Variants in IGF1 observed in about 807,000 individuals in gnomAD.
The protein encoded by IGF1 is insulin-like growth factor 1.
In IGF1, 4 loss-of-function variants were observed where a neutral mutation model predicts 13.8. The observed-to-expected ratio is 0.29, with a 90% CI of 0.14 to 0.66. IGF1 has a LOEUF of 0.66. Among genes scored for constraint, IGF1 ranks in the 30% least tolerant of loss-of-function variants. IGF1 has a pLI of 0.78. For missense variants in IGF1, 124 were observed against 188.5 expected (o/e 0.66, Z 2.00); for synonymous variants, 76 against 72.6 (o/e 1.05, Z -0.23).
At chr12:102,407,077 G>A (rs369476104) in intron 3 of IGF1, among the ~76,000 whole-genome samples, 2 of 102,994 alleles carry the variant, frequency 1.9e-5, no homozygotes, top group African/African-American at 7.2e-5. Context: ...CTTGGCGACA[G>A]AGTAAAACTC....
chr12:102,474,704 C>T (rs1342851987), intron 2 of IGF1, among the ~76,000 whole-genome samples: 2 of 152,194 alleles, frequency 1.3e-5, no homozygotes. Flanking sequence ...TTTCCTGGAA[C>T]TCTCTAAAAC....
intron 2 of IGF1, among the ~76,000 whole-genome samples, chr12:102,422,470 T>A (rs1363961034): frequency 1.3e-5 from 2 of 152,228 alleles, no homozygotes; most frequent in Non-Finnish European, 2.9e-5. Flanking sequence ...TTCTTCTGGC[T>A]CTACATCAAA....
chr12:102,436,936 T>C (rs900381614), intron 2 of IGF1, among the ~76,000 whole-genome samples: 13 of 152,334 alleles, frequency 8.5e-5, no homozygotes, highest in Admixed American at 3.3e-4. Flanking sequence ...GAAATCCATA[T>C]TGGGAGCACT....
chr12:102,443,626 G>A (rs1053039361), intron 2 of IGF1, among the ~76,000 whole-genome samples: 5 of 152,014 alleles, frequency 3.3e-5, no homozygotes, highest in Non-Finnish European at 5.9e-5. Context: ...ACCTCCTCTT[G>A]AATGAACAAA....
At chr12:102,452,178 C>T (rs866695423) in intron 2 of IGF1, among the ~76,000 whole-genome samples, 9 of 133,210 alleles carry the variant, frequency 6.8e-5, no homozygotes, top group Admixed American at 3.6e-4. Context: ...AGGAGAATGG[C>T]GTGAACCCGG....
chr12:102,400,551 A>T lies in IGF1; in HGVS notation c.*1956T>A, dbSNP rs1873601926. On this transcript the variant is annotated 3_prime_UTR_variant, in exon 4 of 4. Transcript: ENST00000337514. The stretch of plus-strand genomic sequence containing the variant: ...ACTCTAGTCAAGCATATTTTAACAA[A>T]CTTTTAAAAAAATGTATATACAGCT... The T allele has an allele frequency of 6.6e-6, 1 of 152,190 alleles. No individual in the cohort carries two copies. Among genetic ancestry groups the T allele is most frequent in the Non-Finnish European group, 1.5e-5 (1 of 68,022 alleles). 9.4% of individuals were successfully genotyped at this position (152,190 alleles called of 1,614,324 possible).
At chr12:102,440,194 G>A (rs1330213097) in intron 2 of IGF1, among the ~76,000 whole-genome samples, 1 of 152,164 alleles carries the variant, frequency 6.6e-6, no homozygotes, top group Non-Finnish European at 1.5e-5. Context: ...TCCCCTGGGA[G>A]GAGCTCAATT....
chr12:102,402,293 A>G lies in IGF1; in HGVS notation c.*214T>C. 1.8e-6 allele frequency: 1 copy of G among 543,620 alleles called. No homozygotes were observed. The highest frequency in any genetic ancestry group is 2.4e-5 in the South Asian group (1 of 42,048). The allele number at this position is 543,620 out of a possible 1,614,324, so 33.7% of individuals were successfully genotyped here. A position where few individuals can be genotyped will look rare whatever the true frequency, so the allele number is the denominator to read the frequency against. On this transcript the variant is annotated 3_prime_UTR_variant, in exon 4 of 4. Coordinates refer to ENST00000337514, the MANE Select transcript of IGF1 (RefSeq NM_000618.5). The stretch of plus-strand genomic sequence containing the variant: ...CATTATTGATAAAAGATCAACAGCA[A>G]TCTACCAACTCCAGGACCATTTTTG...
At chr12:102,447,483 T>G (rs1184668843) in intron 2 of IGF1, among the ~76,000 whole-genome samples, 1 of 152,170 alleles carries the variant, frequency 6.6e-6, no homozygotes, top group East Asian at 1.9e-4. Flanking sequence ...TATGTCATTC[T>G]TTGTCTTTTT....
Position 102,475,706 on chromosome 12 carries a change from G to T in IGF1, c.157C>A (p.Leu53Ile), listed in dbSNP as rs1880976661. The T allele has an allele frequency of 6.2e-7, 1 of 1,614,090 alleles. No individual in the cohort carries two copies. The highest frequency in any genetic ancestry group is 1.7e-5 in the Admixed American group (1 of 60,010). The change falls in exon 2 of 4, where the codon CTC (leucine) becomes ATC (isoleucine). Residue 53 changes from leucine (L) to isoleucine (I), a missense_variant. Leu to Ile is a conservative substitution (Grantham distance 5). Coordinates refer to ENST00000337514, the MANE Select transcript of IGF1 (RefSeq NM_000618.5). ...GCATCCACCAGCTCAGCCCCGCAGA[G>T]CGTCTCCGGTCCAGCCGTGGCAGAG... The part of the protein sequence containing the change: ...TSSATAGPET[L>I]CGAELVDALQ...
chr12:102,445,055 A>G (rs574597576), intron 2 of IGF1, among the ~76,000 whole-genome samples: 1 of 151,998 alleles, frequency 6.6e-6, no homozygotes. Context: ...GTAGATGTGT[A>G]GCGTTATTTC....
chr12:102,462,678 G>C (rs1880003650), intron 2 of IGF1: 1 of 152,166 alleles, frequency 6.6e-6, no homozygotes, highest in Admixed American at 6.5e-5. Context: ...TATTGTATGT[G>C]TGTCATTGAT....
At chr12:102,475,329 C>T (rs998816844) in intron 2 of IGF1, among the ~76,000 whole-genome samples, 2 of 152,148 alleles carry the variant, frequency 1.3e-5, no homozygotes, top group Non-Finnish European at 2.9e-5. Context: ...ACATCAATAC[C>T]TCAGGGTTAT....
At chr12:102,417,596 G>A in intron 3 of IGF1, 1 of 1,236,296 alleles carries the variant, frequency 8.1e-7, no homozygotes. Flanking sequence ...TTTTGCCACT[G>A]TCTTTCTTTG....
intron 2 of IGF1, among the ~76,000 whole-genome samples, chr12:102,461,661 C>T (rs1243669908): frequency 6.6e-6 from 1 of 152,064 alleles, no homozygotes; most frequent in Non-Finnish European, 1.5e-5. Context: ...GTTCCTGGCC[C>T]CAGTGATGGG....
chr12:102,446,894 C>G (rs1299359796), intron 2 of IGF1, among the ~76,000 whole-genome samples: 1 of 152,160 alleles, frequency 6.6e-6, no homozygotes, highest in East Asian at 1.9e-4. Context: ...ACTGCTTTAG[C>G]TGTGTCCCAG....
At chr12:102,411,722 G>T (rs1874660035) in intron 3 of IGF1, among the ~76,000 whole-genome samples, 1 of 152,176 alleles carries the variant, frequency 6.6e-6, no homozygotes, top group South Asian at 2.1e-4. Context: ...AAGCCCAGGA[G>T]GACAAGGTAA....
intron 3 of IGF1, among the ~76,000 whole-genome samples, chr12:102,403,846 C>T (rs1873899348): frequency 1.3e-5 from 2 of 152,080 alleles, no homozygotes; most frequent in East Asian, 3.9e-4. Context: ...GTTATAGTCC[C>T]AGTGTCTAGA....
At chr12:102,450,440 A>G (rs1407916919) in intron 2 of IGF1, among the ~76,000 whole-genome samples, 1 of 152,256 alleles carries the variant, frequency 6.6e-6, no homozygotes, top group Non-Finnish European at 1.5e-5. Context: ...CCACGAATGG[A>G]AACAGCCATC....
Sources: gnomAD v4.1 joint callset for allele counts (sites outside exome capture counted in the v4.1 genomes callset) on GRCh38, gnomAD v4.1.1 for gene constraint, MANE v1.5 for transcripts, NCBI Gene and HGNC (gene_info 2026-07-23, HGNC 2026-07-21) for gene names.